PTPN3: variants seen among roughly 807,000 people sequenced by gnomAD.
PTPN3 encodes protein tyrosine phosphatase non-receptor type 3.
Under a neutral mutation model 132.7 loss-of-function variants are expected in PTPN3, and 96 were observed. The ratio of observed to expected loss-of-function variants is 0.72; its 90% CI spans 0.61 to 0.86. The LOEUF is 0.86. Among genes scored for constraint, PTPN3 ranks in the 40% least tolerant of loss-of-function variants. The pLI is 0.00. For missense variants in PTPN3, 1,125 were observed against 1,159.6 expected (o/e 0.97, Z 0.43); for synonymous variants, 398 against 429.0 (o/e 0.93, Z 0.89).
chr9:109,530,313 G>C, the PTPN3 span, among the ~76,000 whole-genome samples: 1 of 152,196 alleles, frequency 6.6e-6, no homozygotes, highest in Admixed American at 6.5e-5. Context: ...ACTCACATAA[G>C]TGGAATCATA....
Position 109,391,578 on chromosome 9 carries a change from G to A in PTPN3, c.1954-17C>T. 1 of 1,586,302 alleles carries A rather than the reference G, an allele frequency of 6.3e-7. No individual in the cohort carries two copies. The highest frequency in any genetic ancestry group is 8.6e-7 in the Non-Finnish European group (1 of 1,161,372). On this transcript the variant is annotated splice_polypyrimidine_tract_variant and intron_variant, in intron 19 of 25. Coordinates refer to ENST00000374541, the MANE Select transcript of PTPN3 (RefSeq NM_002829.4). ...GTAGAGTTGCTATGTGAGAAATAGA[G>A]AAAAAAGCAAGCATTGCAAAAATCA...
intron 13 of PTPN3, among the ~76,000 whole-genome samples, chr9:109,422,008 G>A (rs369903837): frequency 6.6e-6 from 1 of 152,210 alleles, no homozygotes; most frequent in African/African-American, 2.4e-5. Context: ...ATAAGATAAT[G>A]ATAATTCCAC....
chr9:109,483,462 C>T lies in PTPN3; in HGVS notation c.-18+14757G>A, dbSNP rs114088766. ...GAGGCTGTCTCAGTTCCTAGCTCTCCGGGAACTCACAAATCAATCAGAGAG... is the reference window on the plus strand; with the variant it reads ...GAGGCTGTCTCAGTTCCTAGCTCTCTGGGAACTCACAAATCAATCAGAGAG... On this transcript the variant is annotated intron_variant, in intron 1 of 25. Transcript: ENST00000374541. Among the ~76,000 whole-genome samples, 753 of 152,204 alleles carry T rather than the reference C, an allele frequency of 4.9e-3. 4 individuals are homozygous for T. The highest frequency in any genetic ancestry group is 0.017 in the African/African-American group (717 of 41,522).
chr9:109,517,034 A>G, the PTPN3 span, among the ~76,000 whole-genome samples: 2 of 152,196 alleles, frequency 1.3e-5, no homozygotes, highest in African/African-American at 2.4e-5. Context: ...AACTCAGGAG[A>G]CATAGGTATT....
intron 1 of PTPN3, among the ~76,000 whole-genome samples, chr9:109,490,141 C>T (rs1403812652): frequency 6.6e-6 from 1 of 151,954 alleles, no homozygotes; most frequent in Non-Finnish European, 1.5e-5. Context: ...CGAGATCGCG[C>T]CACTGCACTC....
At chr9:109,486,273 G>A (rs1477112077) in intron 1 of PTPN3, among the ~76,000 whole-genome samples, 1 of 152,202 alleles carries the variant, frequency 6.6e-6, no homozygotes, top group Non-Finnish European at 1.5e-5. Context: ...GAGAAAAGAT[G>A]GGGAAAAGCA....
the PTPN3 span, among the ~76,000 whole-genome samples, chr9:109,524,101 G>C: frequency 1.3e-5 from 2 of 152,070 alleles, no homozygotes; most frequent in Non-Finnish European, 2.9e-5. Flanking sequence ...AAAAATGTTA[G>C]CTGGGCCTGA....
intron 14 of PTPN3, among the ~76,000 whole-genome samples, chr9:109,412,343 G>A (rs1842144555): frequency 6.6e-6 from 1 of 151,880 alleles, no homozygotes; most frequent in African/African-American, 2.4e-5. Flanking sequence ...GAGTAGCTGG[G>A]ACCACAGGCA....
At chr9:109,470,480 T>C (rs1588479776) in intron 1 of PTPN3, among the ~76,000 whole-genome samples, 1 of 151,018 alleles carries the variant, frequency 6.6e-6, no homozygotes, top group South Asian at 2.1e-4. Flanking sequence ...CTGAAGTAAG[T>C]GGGGTATTCC....
chr9:109,486,123 C>A (rs548612449), intron 1 of PTPN3, among the ~76,000 whole-genome samples: 2 of 152,164 alleles, frequency 1.3e-5, no homozygotes, highest in Non-Finnish European at 2.9e-5. Flanking sequence ...TGGTGGCTTA[C>A]GGACCCCATC....
chr9:109,420,427 T>C lies in PTPN3; in HGVS notation c.1310A>G (p.Gln437Arg). ...SEVSQNRSPH[Q>R]ESLSENNPAQ... Reference sequence around the variant, plus strand: ...TAAAACAACACGAGTTTCTTACTCTTGGTGCGGGCTTCGGTTCTGAGAAAC... The same window carrying C: ...TAAAACAACACGAGTTTCTTACTCTCGGTGCGGGCTTCGGTTCTGAGAAAC... Residue 437 changes from glutamine (Q) to arginine (R), a missense_variant, in exon 14 of 26, where the codon CAA becomes CGA. Coordinates refer to ENST00000374541, the MANE Select transcript of PTPN3 (RefSeq NM_002829.4). 6.3e-7 allele frequency: 1 copy of C among 1,589,930 alleles called. No individual in the cohort carries two copies. The highest frequency in any genetic ancestry group is 2.3e-5 in the East Asian group (1 of 44,282).
intron 5 of PTPN3, chr9:109,450,652 T>C (rs1344351232): frequency 1.9e-5 from 19 of 985,082 alleles, no homozygotes; most frequent in Non-Finnish European, 2.3e-5. Context: ...TGCCAGTATA[T>C]AAAATTCTGC....
At chr9:109,491,007 C>T (rs754259560) in intron 1 of PTPN3, among the ~76,000 whole-genome samples, 8 of 151,070 alleles carry the variant, frequency 5.3e-5, no homozygotes, top group Non-Finnish European at 1.2e-4. Flanking sequence ...AGACCAGCAT[C>T]CAACATGGTG....
At chr9:109,462,184 C>A (rs1419417781) in intron 2 of PTPN3, among the ~76,000 whole-genome samples, 1 of 152,226 alleles carries the variant, frequency 6.6e-6, no homozygotes, top group Non-Finnish European at 1.5e-5. Flanking sequence ...ACTTCCATGA[C>A]TTTGGTTGTC....
At chr9:109,435,750 C>T (rs958594456) in intron 9 of PTPN3, among the ~76,000 whole-genome samples, 2 of 151,998 alleles carry the variant, frequency 1.3e-5, no homozygotes, top group South Asian at 2.1e-4. Flanking sequence ...CCTACTTCAC[C>T]GACAATTAAA....
chr9:109,380,231 A>G (rs1838936664), intron 25 of PTPN3, among the ~76,000 whole-genome samples: 1 of 150,298 alleles, frequency 6.7e-6, no homozygotes, highest in African/African-American at 2.5e-5. Context: ...CTATCTATCT[A>G]TCTATCTATC....
At chr9:109,389,006 G>C (rs569114940) in intron 22 of PTPN3, among the ~76,000 whole-genome samples, 1 of 152,312 alleles carries the variant, frequency 6.6e-6, no homozygotes, top group Admixed American at 6.5e-5. Flanking sequence ...TAAGGCTAGG[G>C]GAAGTGCCTT....
chr9:109,473,543 C>G (rs1000236433), intron 1 of PTPN3, among the ~76,000 whole-genome samples: 1 of 152,098 alleles, frequency 6.6e-6, no homozygotes, highest in African/African-American at 2.4e-5. Flanking sequence ...AAGAATGCTG[C>G]GGGAGCCGCG....
At position 109,422,935 on chromosome 9, in the gene PTPN3, T is replaced by C. The variant is rs534388375; in HGVS notation, c.1002-83A>G. Reference sequence around the variant, plus strand: ...CTGCATGTGTGAAACAGTCTACACATGCTTCTTGTCTGAAGGACGGCAGGT... The same window carrying C: ...CTGCATGTGTGAAACAGTCTACACACGCTTCTTGTCTGAAGGACGGCAGGT... On this transcript the variant is annotated intron_variant, in intron 12 of 25. Coordinates refer to ENST00000374541, the MANE Select transcript of PTPN3 (RefSeq NM_002829.4). The C allele has an allele frequency of 4.6e-5, 70 of 1,508,602 alleles. 2 individuals are homozygous for C. The South Asian group carries it at 8.2e-4, about 18-fold the overall frequency. 93.5% of individuals were successfully genotyped at this position (1,508,602 alleles called of 1,614,324 possible).
Sources: gnomAD v4.1 joint callset for allele counts (sites outside exome capture counted in the v4.1 genomes callset) on GRCh38, gnomAD v4.1.1 for gene constraint, MANE v1.5 for transcripts, NCBI Gene and HGNC (gene_info 2026-07-23, HGNC 2026-07-21) for gene names.